Variants in RPL3 observed in about 807,000 individuals in gnomAD.
The protein encoded by RPL3 is ribosomal protein L3.
In RPL3, 3 loss-of-function variants were observed where a neutral mutation model predicts 46.0. That is an observed-to-expected ratio of 0.07 (90% CI 0.03 to 0.17). RPL3 has a LOEUF of 0.17. Ranked by LOEUF, RPL3 falls within the 10% of genes least tolerant of loss-of-function variation. RPL3 has a pLI of 1.00. For missense variants in RPL3, 387 were observed against 532.7 expected (o/e 0.73, Z 2.69); for synonymous variants, 224 against 190.8 (o/e 1.17, Z -1.43).
Position 39,317,540 on chromosome 22 carries a change from G to C in RPL3, c.286C>G (p.Pro96Ala). The change falls in exon 3 of 10, where the codon CCT becomes GCT. Residue 96 changes from proline (P) to alanine (A), a missense_variant. This residue lies in a region of RPL3 where 196 missense variants were observed against 217.5 expected (regional missense o/e 0.90). Coordinates refer to ENST00000216146, the MANE Select transcript of RPL3 (RefSeq NM_000967.4). Reference sequence around the variant, plus strand: ...GTCTTGAAGGTCCGGAGGCCTCGAGGGGTTTCCACGTAGCCCACAATGCCC... The same window carrying C: ...GTCTTGAAGGTCCGGAGGCCTCGAGCGGTTTCCACGTAGCCCACAATGCCC... ...VVGIVGYVET[P>A]RGLRTFKTVF... 6.2e-7 allele frequency: 1 copy of C among 1,613,934 alleles called. No homozygotes were observed. The highest frequency in any genetic ancestry group is 8.5e-7 in the Non-Finnish European group (1 of 1,179,852).
intron 4 of RPL3, 109 bp downstream of exon 4, chr22:39,316,597 C>G: frequency 7.0e-7 from 1 of 1,431,970 alleles, no homozygotes; most frequent in Non-Finnish European, 9.7e-7. Flanking sequence ...GTGCCCTCTG[C>G]TGGCAAGGGA....
intron 5 of RPL3, chr22:39,315,126 A>G: frequency 2.5e-6 from 2 of 787,720 alleles, no homozygotes; most frequent in South Asian, 2.8e-5. Context: ...TGCAGTTATC[A>G]GTAGGCTACA....
chr22:39,319,397 C>T, intron 1 of RPL3, 198 bp downstream of exon 1: 1 of 730,334 alleles, frequency 1.4e-6, no homozygotes, highest in Non-Finnish European at 2.3e-6. Context: ...GACCTGCAGG[C>T]CCAAAGCCAG....
intron 5 of RPL3, 173 bp downstream of exon 5, chr22:39,315,196 C>A (rs750066702): frequency 9.9e-7 from 1 of 1,007,708 alleles, no homozygotes; most frequent in South Asian, 1.3e-5. Flanking sequence ...GCTATCCCAG[C>A]CACTTCTGAC....
At chr22:39,318,656 A>C in intron 1 of RPL3, 64 bp from the exon 2 acceptor site, 1 of 1,371,894 alleles carries the variant, frequency 7.3e-7, no homozygotes, top group Non-Finnish European at 9.9e-7. Context: ...TCTAGTTCCC[A>C]GCTGCTTAAG....
rs1297990425 is a variant in RPL3 at position 39,316,632 on chromosome 22, C to A, written c.501+74G>T. 4.4e-5 allele frequency: 70 copies of A among 1,592,960 alleles called. 1 individual carries two copies. The highest frequency in any genetic ancestry group is 5.8e-5 in the Non-Finnish European group (68 of 1,165,500). The stretch of plus-strand genomic sequence containing the variant: ...AGAAGCCTACCCATAAGCGTGCGGG[C>A]ACGGGACCCCCATGATCACATAGGT... On this transcript the variant is annotated intron_variant, in intron 4 of 9. Coordinates refer to ENST00000216146, the MANE Select transcript of RPL3 (RefSeq NM_000967.4).
chr22:39,316,375 G>A (rs888098837), intron 4 of RPL3, among the ~76,000 whole-genome samples: 1 of 152,158 alleles, frequency 6.6e-6, no homozygotes. Context: ...CTCAGCACTT[G>A]AGATCAGCCA....
chr22:39,313,582 T>C, intron 8 of RPL3, 52 bp downstream of exon 8: 1 of 1,561,882 alleles, frequency 6.4e-7, no homozygotes, highest in Non-Finnish European at 8.8e-7. Context: ...TCTGTGGCCT[T>C]GGATCCTCCC....
At chr22:39,314,005 T>A (rs1003467230) in intron 7 of RPL3, 102 bp downstream of exon 7, 6 of 975,044 alleles carry the variant, frequency 6.2e-6, no homozygotes, top group Non-Finnish European at 1.0e-5. Context: ...GGTGTTGTGT[T>A]GGCTTCAGTT....
intron 2 of RPL3, 112 bp from the exon 3 acceptor site, chr22:39,317,741 A>C (rs1922795829): frequency 2.6e-6 from 3 of 1,171,706 alleles, no homozygotes; most frequent in African/African-American, 1.5e-5. Context: ...TGGGCCCCAC[A>C]CCTGCAGTAC....
chr22:39,313,336 T>C (rs932830066), intron 8 of RPL3, 26 bp from the exon 9 acceptor site: 1 of 1,613,546 alleles, frequency 6.2e-7, no homozygotes, highest in African/African-American at 1.3e-5. Context: ...GGAAGGGATT[T>C]AGGATTACGA....
At chr22:39,319,048 G>C (rs772372641) in intron 1 of RPL3, 22 of 537,666 alleles carry the variant, frequency 4.1e-5, no homozygotes, top group Non-Finnish European at 6.8e-5. Context: ...ACTCCGCAGA[G>C]CCAAATCAGA....
At chr22:39,314,060 G>T (rs1278556330) in intron 7 of RPL3, 47 bp downstream of exon 7, 1 of 1,531,448 alleles carries the variant, frequency 6.5e-7, no homozygotes, top group Non-Finnish European at 9.0e-7. Flanking sequence ...ATCCCCAAAA[G>T]CACGAGGCCT....
intron 1 of RPL3, 66 bp downstream of exon 1, chr22:39,319,529 G>A (rs768257819): frequency 2.0e-5 from 31 of 1,550,950 alleles, no homozygotes; most frequent in Admixed American, 3.9e-5. Context: ...GGATGGCGGC[G>A]ATGCGTCGCG....
intron 4 of RPL3, 72 bp downstream of exon 4, chr22:39,316,634 C>CG: frequency 6.3e-7 from 1 of 1,594,958 alleles, no homozygotes; most frequent in Non-Finnish European, 8.6e-7. Context: ...CGTGCGGGCA[C>CG]GGGACCCCCA....
chr22:39,314,550 C>G (rs530168786), intron 6 of RPL3, 136 bp downstream of exon 6: 1 of 1,079,256 alleles, frequency 9.3e-7, no homozygotes, highest in African/African-American at 1.6e-5. Flanking sequence ...CCAGAACTGA[C>G]CATGAGAAGC....
At chr22:39,314,404 TC>T (rs1922549940) in intron 6 of RPL3, 196 bp from the exon 7 acceptor site, 1 of 637,530 alleles carries the variant, frequency 1.6e-6, no homozygotes, top group Non-Finnish European at 2.7e-6. Flanking sequence ...AAACTAAAGA[TC>T]CTGCTGTACA....
chr22:39,316,559 T>TC (rs759555339), intron 4 of RPL3, 147 bp downstream of exon 4: 10 of 982,892 alleles, frequency 1.0e-5, no homozygotes, highest in Non-Finnish European at 1.5e-5. Context: ...GGGGAATGGT[T>TC]CCCTTGCTAA....
chr22:39,318,940 A>T, intron 1 of RPL3: 1 of 509,866 alleles, frequency 2.0e-6, no homozygotes, highest in Non-Finnish European at 4.0e-6. Flanking sequence ...AAAGAAAGGG[A>T]CTCCCGGGAC....
Sources: allele counts gnomAD v4.1 joint callset (sites outside exome capture counted in the v4.1 genomes callset), GRCh38; gene constraint gnomAD v4.1.1; regional missense constraint gnomAD v4.1.1; transcripts MANE v1.5; gene names NCBI Gene and HGNC (gene_info 2026-07-23, HGNC 2026-07-21).